The following CD9 variants were observed in gnomAD, a reference collection of about 807,000 sequenced individuals.
CD9 encodes CD9 molecule.
A neutral mutation model predicts 31.4 loss-of-function variants in CD9; 10 were observed. The ratio of observed to expected loss-of-function variants is 0.32; its 90% CI spans 0.20 to 0.54. CD9 has a LOEUF of 0.54. Ranked by LOEUF, CD9 falls within the 20% of genes least tolerant of loss-of-function variation. CD9 has a pLI of 0.94. For synonymous variants in CD9, 113 were observed against 114.1 expected, an observed-to-expected ratio of 0.99 and a Z score of 0.06; for missense variants, 259 against 300.1, an observed-to-expected ratio of 0.86 and a Z score of 1.01.
At chr12:6,213,880 C>T (rs927836710) in intron 1 of CD9, among the ~76,000 whole-genome samples, 1 of 152,172 alleles carries the variant, frequency 6.6e-6, no homozygotes, top group Non-Finnish European at 1.5e-5. Flanking sequence ...GTCAACACCC[C>T]AAATTGAAAG....
chr12:6,236,667 A>C (rs555842336), intron 7 of CD9: 2 of 418,050 alleles, frequency 4.8e-6, no homozygotes, highest in African/African-American at 4.0e-5. Context: ...CCTGAAGTGC[A>C]TCTGAACATG....
At chr12:6,229,900 A>G (rs1272893016) in intron 2 of CD9, among the ~76,000 whole-genome samples, 1 of 151,844 alleles carries the variant, frequency 6.6e-6, no homozygotes, top group African/African-American at 2.4e-5. Context: ...TTAATACCGT[A>G]ATCCTAGAGA....
At chr12:6,223,692 T>TCTAGCCC (rs1237524864) in intron 1 of CD9, among the ~76,000 whole-genome samples, 1 of 152,002 alleles carries the variant, frequency 6.6e-6, no homozygotes, top group Non-Finnish European at 1.5e-5. Flanking sequence ...ACATAACTCT[T>TCTAGCCC]CTAGCCCAGC....
intron 1 of CD9, among the ~76,000 whole-genome samples, chr12:6,219,437 A>G (rs1946272039): frequency 6.6e-6 from 1 of 151,964 alleles, no homozygotes; most frequent in African/African-American, 2.4e-5. Context: ...ACCAACCTTA[A>G]TGGGGCTTCC....
At chr12:6,231,353 A>T (rs983078805) in intron 2 of CD9, among the ~76,000 whole-genome samples, 2 of 152,240 alleles carry the variant, frequency 1.3e-5, no homozygotes, top group African/African-American at 4.8e-5. Flanking sequence ...TACAGATAGA[A>T]AACTGTTGCA....
chr12:6,233,710 A>C (rs1946480864), intron 4 of CD9, among the ~76,000 whole-genome samples: 1 of 152,068 alleles, frequency 6.6e-6, no homozygotes, highest in Non-Finnish European at 1.5e-5. Context: ...GTGTTGACTC[A>C]TAGTAGATGT....
At chr12:6,212,813 A>G (rs1946206160) in intron 1 of CD9, among the ~76,000 whole-genome samples, 1 of 152,194 alleles carries the variant, frequency 6.6e-6, no homozygotes, top group African/African-American at 2.4e-5. Flanking sequence ...CCAGGGACCC[A>G]GCTTGTCATG....
At chr12:6,223,742 G>A (rs1359404661) in intron 1 of CD9, among the ~76,000 whole-genome samples, 3 of 152,138 alleles carry the variant, frequency 2.0e-5, no homozygotes, top group Admixed American at 2.0e-4. Context: ...TAAGCTAACT[G>A]CAGTGCTCTT....
intron 1 of CD9, among the ~76,000 whole-genome samples, chr12:6,209,255 G>A (rs563013250): frequency 3.9e-5 from 6 of 152,154 alleles, no homozygotes; most frequent in South Asian, 2.1e-4. Context: ...CCACCGCACC[G>A]GGCTCGTCGT....
In CD9 at chr12:6,227,707, G is replaced by C. The variant is rs143059652; in HGVS notation, c.175+2173G>C. On this transcript the variant is annotated intron_variant, in intron 2 of 7. Coordinates refer to ENST00000009180, the MANE Select transcript of CD9 (RefSeq NM_001769.4). ...CCAGGTTTTGAACCCAGGCCTAAAA[G>C]AGCTGCTTCTCGGGTTGTCATTGCC... Among the ~76,000 whole-genome samples, 33 of 152,322 alleles carry C rather than the reference G, an allele frequency of 2.2e-4. No individual in the cohort carries two copies. The East Asian group carries it at 6.0e-3, about 28-fold the overall frequency.
At chr12:6,225,807 C>G (rs1946357893) in intron 2 of CD9, 1 of 449,454 alleles carries the variant, frequency 2.2e-6, no homozygotes, top group Non-Finnish European at 4.0e-6. Flanking sequence ...CAAAGTTGTA[C>G]TCATTCTTGA....
At chr12:6,236,095 C>A in intron 6 of CD9, 97 bp from the exon 7 acceptor site, 1 of 1,557,460 alleles carries the variant, frequency 6.4e-7, no homozygotes, top group South Asian at 1.2e-5. Context: ...ACCCTCTGCC[C>A]ACCAGTTCTC....
rs535396278 is a variant in CD9 at position 6,222,737 on chromosome 12, C to T, written c.67-2689C>T. On this transcript the variant is annotated intron_variant, in intron 1 of 7. Transcript: ENST00000009180. ...GGGGCTCTCTATAAGATGGAAGGGG[C>T]CTTACCCCTGGAGGTTCCACTGGGG... Among the ~76,000 whole-genome samples the T allele has an allele frequency of 1.3e-4, 20 of 152,292 alleles. No homozygotes were observed. The South Asian group carries it at 4.2e-3, about 32-fold the overall frequency.
intron 1 of CD9, among the ~76,000 whole-genome samples, chr12:6,208,675 C>G (rs1946159564): frequency 6.6e-6 from 1 of 151,744 alleles, no homozygotes; most frequent in South Asian, 2.1e-4. Context: ...GAGTTCAAGC[C>G]ATTCTCCTGC....
intron 1 of CD9, among the ~76,000 whole-genome samples, chr12:6,212,310 C>G (rs1946201918): frequency 1.3e-5 from 2 of 152,224 alleles, no homozygotes; most frequent in South Asian, 4.1e-4. Context: ...CTCTCAGGCT[C>G]TAAGGCAGCC....
chr12:6,210,745 A>G (rs1266323123), intron 1 of CD9, among the ~76,000 whole-genome samples: 1 of 152,198 alleles, frequency 6.6e-6, no homozygotes, highest in East Asian at 1.9e-4. Flanking sequence ...GCTTAACAAA[A>G]TAATTGAGAA....
intron 2 of CD9, 156 bp downstream of exon 2, chr12:6,225,690 T>C: frequency 1.7e-6 from 1 of 597,152 alleles, no homozygotes. Flanking sequence ...TGTGCAGTTT[T>C]TGTGTGTGTC....
intron 1 of CD9, among the ~76,000 whole-genome samples, chr12:6,221,375 A>G (rs1946290155): frequency 6.6e-6 from 1 of 152,110 alleles, no homozygotes; most frequent in South Asian, 2.1e-4. Context: ...TGGGCATACT[A>G]CAGGTTGCCA....
At position 6,212,466 on chromosome 12, in the gene CD9, C is replaced by T. The variant is rs201612085; in HGVS notation, c.66+11901C>T. The stretch of plus-strand genomic sequence containing the variant: ...GCCTGCACCAGCCTGAGGCCAGGCT[C>T]GAACATTTACACACAACGAGCCAGG... On this transcript the variant is annotated intron_variant, in intron 1 of 7. Transcript: ENST00000009180. Among the ~76,000 whole-genome samples, 7 of 152,200 alleles carry T rather than the reference C, an allele frequency of 4.6e-5. No homozygotes were observed. In the East Asian group the frequency reaches 1.3e-3, roughly 29 times the overall value.
Sources: allele counts gnomAD v4.1 joint callset (sites outside exome capture counted in the v4.1 genomes callset), GRCh38; gene constraint gnomAD v4.1.1; transcripts MANE v1.5; gene names NCBI Gene and HGNC (gene_info 2026-07-23, HGNC 2026-07-21).